The following MAL variants were observed in gnomAD, a reference collection of about 807,000 sequenced individuals.
The protein encoded by MAL is myelin and lymphocyte protein.
In MAL, 5 loss-of-function variants were observed where a neutral mutation model predicts 16.7. That is an observed-to-expected ratio of 0.30 (90% CI 0.16 to 0.63). The LOEUF (loss-of-function observed/expected upper bound fraction) is 0.63, where lower values mean the gene tolerates loss of function less well. Among genes scored for constraint, MAL ranks in the 30% least tolerant of loss-of-function variants. MAL has a pLI of 0.82. For missense variants in MAL, 202 were observed against 195.8 expected (o/e 1.03, Z -0.19); for synonymous variants, 96 against 85.5 (o/e 1.12, Z -0.67).
chr2:95,053,102 C>A, intron 3 of MAL: 1 of 374,082 alleles, frequency 2.7e-6, no homozygotes, highest in Non-Finnish European at 4.8e-6. Flanking sequence ...TCAGCCGAAA[C>A]CTCAAGCTGA....
chr2:95,038,878 G>GAGTGAGTGACTA (rs1674345731), intron 1 of MAL, among the ~76,000 whole-genome samples: 2 of 151,460 alleles, frequency 1.3e-5, no homozygotes, highest in Non-Finnish European at 1.5e-5. Context: ...CTGAGTGGGT[G>GAGTGAGTGACTA]AGTGAGTGAC....
chr2:95,047,933 A>T, intron 1 of MAL, 26 bp from the exon 2 acceptor site: 1 of 1,607,416 alleles, frequency 6.2e-7, no homozygotes, highest in Non-Finnish European at 8.5e-7. Context: ...TCTAGGCCAA[A>T]ACTCACCCCT....
intron 1 of MAL, among the ~76,000 whole-genome samples, chr2:95,034,761 G>A (rs915666561): frequency 1.8e-4 from 27 of 152,198 alleles, no homozygotes; most frequent in African/African-American, 6.0e-4. Context: ...CTGTGGTCAG[G>A]TTGGGGGCAG....
intron 3 of MAL, 76 bp from the exon 4 acceptor site, chr2:95,053,305 G>A (rs1227932490): frequency 8.9e-6 from 9 of 1,007,618 alleles, no homozygotes; most frequent in Non-Finnish European, 1.4e-5. Context: ...ACGCCACGTG[G>A]GGCTGGATGC....
At chr2:95,045,052 A>C (rs941568402) in intron 1 of MAL, among the ~76,000 whole-genome samples, 4 of 152,226 alleles carry the variant, frequency 2.6e-5, no homozygotes, top group Admixed American at 2.6e-4. Flanking sequence ...TTTTCCCAAA[A>C]TAATGACATT....
intron 1 of MAL, among the ~76,000 whole-genome samples, chr2:95,042,988 T>A (rs1266203564): frequency 5.9e-5 from 9 of 152,208 alleles, no homozygotes; most frequent in African/African-American, 2.2e-4. Context: ...AAATCTCAGC[T>A]TTGCACACAG....
intron 1 of MAL, among the ~76,000 whole-genome samples, chr2:95,043,191 C>G (rs1322572955): frequency 2.0e-5 from 3 of 152,248 alleles, no homozygotes; most frequent in African/African-American, 4.8e-5. Context: ...GTCCACCTCT[C>G]TCTCCAAGGC....
chr2:95,050,909 A>G (rs1484283407), intron 3 of MAL, among the ~76,000 whole-genome samples: 5 of 152,112 alleles, frequency 3.3e-5, no homozygotes, highest in Non-Finnish European at 7.4e-5. Context: ...GCCACCCTCC[A>G]TCTTCTTCAC....
intron 1 of MAL, among the ~76,000 whole-genome samples, chr2:95,033,104 G>C (rs1399617158): frequency 6.6e-6 from 1 of 152,176 alleles, no homozygotes; most frequent in Non-Finnish European, 1.5e-5. Flanking sequence ...GGAAGGGCAG[G>C]GGGAGGAGAC....
At chr2:95,027,674 G>A (rs781504909) in intron 1 of MAL, among the ~76,000 whole-genome samples, 55 of 152,188 alleles carry the variant, frequency 3.6e-4, no homozygotes, top group Admixed American at 2.5e-3. Context: ...TAAAGGGCCT[G>A]AGAAGGCGCT....
intron 3 of MAL, 121 bp from the exon 4 acceptor site, chr2:95,053,260 A>G (rs1190767287): frequency 1.1e-5 from 8 of 735,714 alleles, no homozygotes; most frequent in Non-Finnish European, 1.5e-5. Flanking sequence ...GTGAGAAGCA[A>G]TGACAGCCCA....
intron 1 of MAL, 54 bp from the exon 2 acceptor site, chr2:95,047,905 C>T (rs1160778338): frequency 2.6e-6 from 4 of 1,567,814 alleles, no homozygotes; most frequent in Non-Finnish European, 3.5e-6. Flanking sequence ...GGGGGCCCTT[C>T]CTGGGCTGGG....
intron 1 of MAL, among the ~76,000 whole-genome samples, chr2:95,027,510 CT>C: frequency 6.6e-6 from 1 of 152,204 alleles, no homozygotes; most frequent in South Asian, 2.1e-4. Flanking sequence ...GCATAGTCAT[CT>C]CCAGGCATCT....
chr2:95,030,532 C>G (rs1413429087), intron 1 of MAL, among the ~76,000 whole-genome samples: 1 of 152,202 alleles, frequency 6.6e-6, no homozygotes, highest in Non-Finnish European at 1.5e-5. Context: ...GGCTTTCTGT[C>G]TCAGCTGGGG....
chr2:95,038,420 A>G (rs1450927488), intron 1 of MAL, among the ~76,000 whole-genome samples: 335 of 57,510 alleles, frequency 5.8e-3, no homozygotes, highest in Middle Eastern at 0.051. Flanking sequence ...GAGTGACTGA[A>G]TGAGTGACTG....
chr2:95,042,215 T>C (rs1674483948), intron 1 of MAL, among the ~76,000 whole-genome samples: 1 of 152,188 alleles, frequency 6.6e-6, no homozygotes, highest in African/African-American at 2.4e-5. Flanking sequence ...GGCAGTCGGC[T>C]GGCATCGCTG....
intron 1 of MAL, chr2:95,026,639 G>C (rs970867809): frequency 2.0e-5 from 3 of 152,030 alleles, no homozygotes; most frequent in Non-Finnish European, 4.4e-5. Flanking sequence ...GCAGGAAAGC[G>C]CTTCCTACTG....
At chr2:95,042,999 C>T (rs376353761) in intron 1 of MAL, among the ~76,000 whole-genome samples, 27 of 152,354 alleles carry the variant, frequency 1.8e-4, no homozygotes, top group African/African-American at 5.5e-4. Context: ...TTGCACACAG[C>T]GGGGCTGGAG....
At chr2:95,052,858 A>G (rs541184038) in intron 3 of MAL, among the ~76,000 whole-genome samples, 3 of 152,244 alleles carry the variant, frequency 2.0e-5, no homozygotes, top group Non-Finnish European at 2.9e-5. Flanking sequence ...TCTCAGCCAC[A>G]CCTGTGATAT....
Sources: allele counts gnomAD v4.1 joint callset (sites outside exome capture counted in the v4.1 genomes callset), GRCh38; gene constraint gnomAD v4.1.1; transcripts MANE v1.5; gene names NCBI Gene and HGNC (gene_info 2026-07-23, HGNC 2026-07-21).